Variants in LMAN1L observed in about 807,000 individuals in gnomAD.
The protein encoded by LMAN1L is lectin, mannose binding 1 like, also known as protein ERGIC-53-like.
Under a neutral mutation model 58.3 loss-of-function variants are expected in LMAN1L, and 60 were observed. The observed-to-expected ratio is 1.03, with a 90% confidence interval of 0.84 to 1.27. The LOEUF (loss-of-function observed/expected upper bound fraction) is 1.27. Among genes scored for constraint, LMAN1L ranks in the 50% most tolerant of loss-of-function variants. The pLI is 0.00. For synonymous variants in LMAN1L, 280 were observed against 271.6 expected (o/e 1.03, Z -0.31); for missense variants, 629 against 674.0 (o/e 0.93, Z 0.74).
rs569247875 is a variant in LMAN1L, at chr15:74,814,378, G to GTT, written c.175+1361_175+1362dup. 7.7e-4 allele frequency among the ~76,000 whole-genome samples: 85 copies of GTT among 110,568 alleles called. 3 individuals carry two copies. The highest frequency in any genetic ancestry group is 1.2e-3 in the Non-Finnish European group (63 of 54,604). The allele number at this position is 110,568 out of a possible 152,430, so 72.5% of individuals were successfully genotyped here. A position where few individuals can be genotyped will look rare whatever the true frequency, so the allele number is the denominator to read the frequency against. ...GCAGCTAATTTTTGTTTTTGTTTTT[G>GTT]TTTTTTTTTTTTTGAGACGGAGTCT... On this transcript the variant is annotated intron_variant, in intron 1 of 13. Transcript: ENST00000309664.
At chr15:74,814,819 C>T (rs2063883635) in intron 1 of LMAN1L, among the ~76,000 whole-genome samples, 1 of 152,174 alleles carries the variant, frequency 6.6e-6, no homozygotes, top group African/African-American at 2.4e-5. Flanking sequence ...CAAAATATTC[C>T]TTTAAGATGA....
In LMAN1L at chr15:74,823,673, G is replaced by A. The variant is rs770543535; in HGVS notation, c.1314G>A (p.Arg438=). The A allele has an allele frequency of 5.6e-6, 9 of 1,613,396 alleles. No individual in the cohort carries two copies. Among genetic ancestry groups the A allele is most frequent in the Non-Finnish European group, 7.6e-6 (9 of 1,179,802 alleles). Residue 438 remains arginine, a synonymous_variant, in exon 12 of 14, where the codon CGG becomes CGA. Transcript: ENST00000309664. ...TGGGCCTCCTGCAGGAGGAGCTTCG[G>A]GGCCCGGCGGTGAGGGGAAAGTAGT... ...HILGLLQEEL[R]GPAKAAAKAP...
chr15:74,818,799 C>T lies in LMAN1L; in HGVS notation c.579C>T (p.Tyr193=). Residue 193 remains tyrosine, a synonymous_variant, in exon 5 of 14, where the codon TAC becomes TAT. Transcript: ENST00000309664. Reference sequence around the variant, plus strand: ...ACCCCTTCAGAGCACGGATCACCTACTGGGGGCAGAGGCTGCGCGTGAGTC... The same window carrying T: ...ACCCCTTCAGAGCACGGATCACCTATTGGGGGCAGAGGCTGCGCGTGAGTC... The part of the protein sequence containing the change: ...RPHPFRARIT[Y]WGQRLRMSLN... 3 of 1,610,454 alleles carry T rather than the reference C, an allele frequency of 1.9e-6. No individual in the cohort carries two copies. Among genetic ancestry groups the T allele is most frequent in the Non-Finnish European group, 2.5e-6 (3 of 1,178,694 alleles).
At position 74,825,620 on chromosome 15, in the gene LMAN1L, T is replaced by C. The variant is rs759313570; in HGVS notation, c.*15T>C. The C allele has an allele frequency of 1.2e-6, 2 of 1,604,758 alleles. No homozygotes were observed. Among genetic ancestry groups the C allele is most frequent in the South Asian group, 1.1e-5 (1 of 90,830 alleles). ...TGCCTGCCTGACCCACCTCAGAGCC[T>C]GCTTTGCATCACTGGGAAGCAGGCA... is the stretch of plus-strand genomic sequence containing the variant. On this transcript the variant is annotated 3_prime_UTR_variant, in exon 14 of 14. Coordinates refer to ENST00000309664, the MANE Select transcript of LMAN1L (RefSeq NM_021819.3).
At chr15:74,822,273 GAA>G (rs1567225269) in intron 10 of LMAN1L, among the ~76,000 whole-genome samples, 89 of 152,360 alleles carry the variant, frequency 5.8e-4, no homozygotes, top group African/African-American at 2.1e-3. Context: ...GGCTGAGGCA[GAA>G]GAATCGCTTG....
chr15:74,818,621 C>T, intron 4 of LMAN1L, 97 bp from the exon 5 acceptor site: 1 of 862,614 alleles, frequency 1.2e-6, no homozygotes, highest in Non-Finnish European at 1.9e-6. Flanking sequence ...TTGAGCCCAG[C>T]AGGCAGAAGT....
rs1353624827 is a variant in LMAN1L at position 74,821,077 on chromosome 15, G to A, written c.910G>A (p.Glu304Lys). The change falls in exon 9 of 14, where the codon GAA (glutamate) becomes AAA (lysine). Residue 304 changes from glutamate to lysine, a missense_variant and splice_region_variant. Around this residue, in one of 3 missense-constraint regions of LMAN1L, gnomAD observed 573 missense variants for 597.3 expected, o/e 0.96. Coordinates refer to ENST00000309664, the MANE Select transcript of LMAN1L (RefSeq NM_021819.3). Reference sequence around the variant, plus strand: ...CCCAGCTCTGCCCTAATCCCCAGGGGAAAGGCTCTTTGACCTGGAGGAGAC... The same window carrying A: ...CCCAGCTCTGCCCTAATCCCCAGGGAAAAGGCTCTTTGACCTGGAGGAGAC... ...KSDSEAQGEGERLFDLEETLG... is the reference protein window; with the variant it reads ...KSDSEAQGEGKRLFDLEETLG... 2.5e-6 allele frequency: 4 copies of A among 1,576,594 alleles called. No individual in the cohort carries two copies. Among genetic ancestry groups the A allele is most frequent in the Non-Finnish European group, 3.4e-6 (4 of 1,161,360 alleles).
chr15:74,820,561 G>T, intron 7 of LMAN1L, 74 bp from the exon 8 acceptor site: 1 of 1,591,984 alleles, frequency 6.3e-7, no homozygotes, highest in Non-Finnish European at 8.6e-7. Flanking sequence ...TCGTGGGGAA[G>T]CCTGTGGGAA....
chr15:74,821,278 G>C (rs1157930612), intron 9 of LMAN1L, 52 bp downstream of exon 9: 1 of 1,536,954 alleles, frequency 6.5e-7, no homozygotes, highest in Non-Finnish European at 8.8e-7. Flanking sequence ...TGAAAGAGGA[G>C]CAAGCACTGT....
At chr15:74,816,761 G>A (rs2063893272) in intron 4 of LMAN1L, 71 bp downstream of exon 4, 7 of 1,448,258 alleles carry the variant, frequency 4.8e-6, no homozygotes, top group Non-Finnish European at 6.6e-6. Flanking sequence ...CCCCATCCGA[G>A]CCCCTGCCCC....
Position 74,823,563 on chromosome 15 carries a change from G to A in LMAN1L, c.1204G>A (p.Ala402Thr). The A allele has an allele frequency of 6.2e-7, 1 of 1,613,832 alleles. No individual in the cohort carries two copies. Among genetic ancestry groups the A allele is most frequent in the Non-Finnish European group, 8.5e-7 (1 of 1,179,888 alleles). The change falls in exon 12 of 14, where the codon GCA becomes ACA. Residue 402 changes from alanine (A) to threonine (T), a missense_variant. Physicochemically the swap from Ala to Thr is moderately conservative, Grantham distance 58. Transcript: ENST00000309664. ...TTGGTTACCACCCCCGGTTAGGGATGCAGCTGTCCGCATGGCTGCAGAAGC... is the reference window on the plus strand; with the variant it reads ...TTGGTTACCACCCCCGGTTAGGGATACAGCTGTCCGCATGGCTGCAGAAGC... ...LLQALQEMRD[A>T]AVRMAAEAQV...
chr15:74,818,963 C>G (rs2063904721), intron 5 of LMAN1L, 146 bp downstream of exon 5: 1 of 984,210 alleles, frequency 1.0e-6, no homozygotes, highest in Non-Finnish European at 1.5e-6. Context: ...ATCCTCCATC[C>G]CTACACAGAA....
At chr15:74,816,774 C>A in intron 4 of LMAN1L, 84 bp downstream of exon 4, 1 of 1,341,052 alleles carries the variant, frequency 7.5e-7, no homozygotes, top group Non-Finnish European at 1.0e-6. Flanking sequence ...CCTGCCCCAG[C>A]CTCCTCCAGC....
Position 74,824,394 on chromosome 15 carries a change from G to A in LMAN1L, c.1367G>A (p.Arg456Lys), listed in dbSNP as rs2063931610. ...KAPRPPGQPP[R>K]ASSCLQPGIF... ...CCCCGCCCACCTGGCCAGCCCCCAA[G>A]GGCCTCCTCGTGCCTGCAGCCTGGC... Residue 456 changes from arginine to lysine, a missense_variant, in exon 13 of 14, where the codon AGG becomes AAG. Transcript: ENST00000309664. 1 of 1,613,870 alleles carries A rather than the reference G, an allele frequency of 6.2e-7. No homozygotes were observed.
In LMAN1L at chr15:74,825,458, CCTT is replaced by C. The variant is rs546920980; in HGVS notation, c.1452-15_1452-13del. ...AAGGAGAGACGCAAGTAACCTGTAACCTTCTCTCTGGCAGCAGGCAGGAGCTGA... is the reference window on the plus strand; with the variant it reads ...AAGGAGAGACGCAAGTAACCTGTAACCTCTCTGGCAGCAGGCAGGAGCTGA... On this transcript the variant is annotated splice_polypyrimidine_tract_variant and intron_variant, in intron 13 of 13. Coordinates refer to ENST00000309664, the MANE Select transcript of LMAN1L (RefSeq NM_021819.3). The C allele has an allele frequency of 9.9e-5, 159 of 1,605,990 alleles. 1 individual carries two copies. In the South Asian group the frequency reaches 1.4e-3, roughly 14 times the overall value.
intron 2 of LMAN1L, 22 bp from the exon 3 acceptor site, chr15:74,816,405 C>A: frequency 6.4e-7 from 1 of 1,572,214 alleles, no homozygotes; most frequent in South Asian, 1.2e-5. Context: ...GTTCCCTGAG[C>A]TGAGGGGCTG....
intron 6 of LMAN1L, chr15:74,819,815 T>G: frequency 1.7e-6 from 1 of 601,354 alleles, no homozygotes; most frequent in Non-Finnish European, 3.0e-6. Context: ...CGTCCAGTTC[T>G]GCCACAGGGG....
At chr15:74,823,887 T>G in intron 12 of LMAN1L, 1 of 601,510 alleles carries the variant, frequency 1.7e-6, no homozygotes, top group East Asian at 2.9e-5. Context: ...CTCTGTCCTC[T>G]CTCCTCTCTG....
intron 6 of LMAN1L, chr15:74,819,612 G>T: frequency 2.1e-6 from 1 of 487,632 alleles, no homozygotes; most frequent in Non-Finnish European, 3.6e-6. Flanking sequence ...GGAAAGCTGA[G>T]GGCAACCAGA....
Sources: gnomAD v4.1 joint callset for allele counts (sites outside exome capture counted in the v4.1 genomes callset) on GRCh38, gnomAD v4.1.1 for gene constraint, gnomAD v4.1.1 regional missense constraint, MANE v1.5 for transcripts, NCBI Gene and HGNC (gene_info 2026-07-23, HGNC 2026-07-21) for gene names.